COX19: variants seen among roughly 807,000 people sequenced by gnomAD.
COX19 encodes cytochrome c oxidase assembly protein COX19.
Under a neutral mutation model 6.8 loss-of-function variants are expected in COX19, and 8 were observed. The ratio of observed to expected loss-of-function variants is 1.18; its 90% CI spans 0.69 to 2.12. COX19 has a LOEUF of 2.12. Among genes scored for constraint, COX19 ranks in the 30% most tolerant of loss-of-function variants. COX19 has a pLI of 0.00. For synonymous variants in COX19, 51 were observed against 38.0 expected, an observed-to-expected ratio of 1.34 and a Z score of -1.26; for missense variants, 131 against 104.6, an observed-to-expected ratio of 1.25 and a Z score of -1.10.
In COX19 at chr7:965,493, G is replaced by T. The variant is rs879844859; in HGVS notation, c.*3885C>A. On this transcript the variant is annotated 3_prime_UTR_variant, in exon 3 of 3. Transcript: ENST00000344111. The stretch of plus-strand genomic sequence containing the variant: ...GCCCCCAGGTCGGTGCGGCCTGTGC[G>T]GCTCGCTCCCGGCGGTGGCTGCTGG... 5.9e-5 allele frequency among the ~76,000 whole-genome samples: 9 copies of T among 152,218 alleles called. No homozygotes were observed. The highest frequency in any genetic ancestry group is 2.2e-4 in the African/African-American group (9 of 41,454).
At chr7:969,775 A>C (rs1221884779) in intron 2 of COX19, among the ~76,000 whole-genome samples, 9 of 152,168 alleles carry the variant, frequency 5.9e-5, no homozygotes, top group Admixed American at 2.0e-4. Context: ...ATGTATCTGG[A>C]CAACAGCTTC....
At chr7:970,439 A>ATTT (rs1171573366) in intron 2 of COX19, among the ~76,000 whole-genome samples, 4 of 121,220 alleles carry the variant, frequency 3.3e-5, no homozygotes, top group Admixed American at 8.5e-5. Flanking sequence ...CGGCCAGCTA[A>ATTT]TTTTTTTTTT....
intron 1 of COX19, 52 bp from the exon 2 acceptor site, chr7:973,344 ACC>A (rs780752211): frequency 6.6e-7 from 1 of 1,518,120 alleles, no homozygotes; most frequent in Non-Finnish European, 8.8e-7. Context: ...AAGTGATGCA[ACC>A]ACACAACAGC....
At position 973,168 on chromosome 7, in the gene COX19, T is replaced by C. The variant is rs1847658199; in HGVS notation, c.194+13A>G. ...AGTGGGAGGTGGAAATCATAACGCT[T>C]AGCTGTACTCACCTCTCCATCCTGC... On this transcript the variant is annotated intron_variant, in intron 2 of 2. Transcript: ENST00000344111. 6.5e-7 allele frequency: 1 copy of C among 1,544,668 alleles called. No individual in the cohort carries two copies. The highest frequency in any genetic ancestry group is 8.7e-7 in the Non-Finnish European group (1 of 1,144,812).
In COX19 at chr7:969,307, C is replaced by G; in HGVS notation, c.*71G>C. 2 of 990,170 alleles carry G rather than the reference C, an allele frequency of 2.0e-6. No individual in the cohort carries two copies. Among genetic ancestry groups the G allele is most frequent in the Non-Finnish European group, 3.3e-6 (2 of 615,100 alleles). 61.3% of individuals were successfully genotyped at this position (990,170 alleles called of 1,614,324 possible). A position where few individuals can be genotyped will look rare whatever the true frequency, so the allele number is the denominator to read the frequency against. Reference sequence around the variant, plus strand: ...ACACCACACGCAGGCCTCAGCCAACCTAAGAGGCAGGATGATGCCCTCCGT... The same window carrying G: ...ACACCACACGCAGGCCTCAGCCAACGTAAGAGGCAGGATGATGCCCTCCGT... On this transcript the variant is annotated 3_prime_UTR_variant, in exon 3 of 3. Transcript: ENST00000344111.
At chr7:974,621 G>A (rs1467562136) in intron 1 of COX19, among the ~76,000 whole-genome samples, 3 of 152,062 alleles carry the variant, frequency 2.0e-5, no homozygotes, top group African/African-American at 7.2e-5. Context: ...AAAATGTTGG[G>A]AAAGAAACAG....
chr7:970,154 A>G (rs1847615824), intron 2 of COX19, among the ~76,000 whole-genome samples: 1 of 151,804 alleles, frequency 6.6e-6, no homozygotes, highest in Non-Finnish European at 1.5e-5. Flanking sequence ...TTTTTCTCCC[A>G]GAAACAGTCT....
chr7:972,714 T>G (rs920557257), intron 2 of COX19: 1 of 152,352 alleles, frequency 6.6e-6, no homozygotes, highest in African/African-American at 2.4e-5. Context: ...GGAAGAATCA[T>G]TCATCTTTCA....
intron 2 of COX19, 69 bp downstream of exon 2, chr7:973,112 C>G: frequency 9.3e-7 from 1 of 1,079,522 alleles, no homozygotes; most frequent in Admixed American, 3.0e-5. Context: ...CTGTAATGGC[C>G]TTTCAGGAAA....
In COX19 at chr7:969,199, C is replaced by G; in HGVS notation, c.*179G>C. 3 of 628,216 alleles carry G rather than the reference C, an allele frequency of 4.8e-6. No individual in the cohort carries two copies. Among genetic ancestry groups the G allele is most frequent in the Non-Finnish European group, 8.5e-6 (3 of 352,358 alleles). 38.9% of individuals were successfully genotyped at this position (628,216 alleles called of 1,614,324 possible). A position where few individuals can be genotyped will look rare whatever the true frequency, so the allele number is the denominator to read the frequency against. ...CAGGGGTTCAATGCAGAAACACCCT[C>G]CTAAGGGAAAACGGGACGCCACTCC... On this transcript the variant is annotated 3_prime_UTR_variant, in exon 3 of 3. Transcript: ENST00000344111.
In COX19 at chr7:975,542, G is replaced by T; in HGVS notation, c.-33C>A. ...ACTCCGGAGTCTGCGAGCGCCTTGC[G>T]AGCGTACGCAGGGCGGCCGGCGGAG... On this transcript the variant is annotated 5_prime_UTR_variant, in exon 1 of 3. Transcript: ENST00000344111. 6.4e-7 allele frequency: 1 copy of T among 1,574,468 alleles called. No homozygotes were observed.
In COX19 at chr7:975,539, T is replaced by C. The variant is rs755198910; in HGVS notation, c.-30A>G. On this transcript the variant is annotated 5_prime_UTR_variant, in exon 1 of 3. Coordinates refer to ENST00000344111, the MANE Select transcript of COX19 (RefSeq NM_001031617.3). ...GCGACTCCGGAGTCTGCGAGCGCCT[T>C]GCGAGCGTACGCAGGGCGGCCGGCG... 8 of 1,582,604 alleles carry C rather than the reference T, an allele frequency of 5.1e-6. No individual in the cohort carries two copies. The Admixed American group carries it at 1.4e-4, about 27-fold the overall frequency.
At position 965,246 on chromosome 7, in the gene COX19, TC is replaced by T. The variant is rs897383500; in HGVS notation, c.*4131del. Among the ~76,000 whole-genome samples, 2 of 151,658 alleles carry T rather than the reference TC, an allele frequency of 1.3e-5. No homozygotes were observed. The highest frequency in any genetic ancestry group is 1.9e-4 in the East Asian group (1 of 5,204). ...GTTTCATACAAAGCATATTTTTTTT[TC>T]CTCATTTCAAAATAATTTCAGACTT... On this transcript the variant is annotated 3_prime_UTR_variant, in exon 3 of 3. Coordinates refer to ENST00000344111, the MANE Select transcript of COX19 (RefSeq NM_001031617.3).
intron 2 of COX19, 66 bp downstream of exon 2, chr7:973,115 T>C (rs1847657320): frequency 1.8e-6 from 2 of 1,134,958 alleles, no homozygotes; most frequent in East Asian, 2.7e-5. Flanking sequence ...TAATGGCCTT[T>C]CAGGAAAAAA....
In COX19 at chr7:973,243, ATTG is replaced by A. The variant is rs2128117465; in HGVS notation, c.129_131del (p.Asn45del). ...TTCTGCACAAAGCATTTTCAAAATTATTGTTATGAAGACACTTCATGAATTTCT... is the reference window on the plus strand; with the variant it reads ...TTCTGCACAAAGCATTTTCAAAATTATTATGAAGACACTTCATGAATTTCT... On this transcript the variant is annotated inframe_deletion, in exon 2 of 3. Coordinates refer to ENST00000344111, the MANE Select transcript of COX19 (RefSeq NM_001031617.3). 6.2e-7 allele frequency: 1 copy of A among 1,603,686 alleles called. No individual in the cohort carries two copies. The highest frequency in any genetic ancestry group is 2.3e-5 in the East Asian group (1 of 44,442).
At position 969,431 on chromosome 7, in the gene COX19, C is replaced by T; in HGVS notation, c.220G>A (p.Glu74Lys). Reference protein sequence around the residue: ...ERKLMLQEPLEKLGFGDLTSG... With the variant: ...ERKLMLQEPLKKLGFGDLTSG... Reference sequence around the variant, plus strand: ...GTCAAGTCTCCAAATCCCAGTTTCTCCAATGGTTCTTGTAGCATCAATTTT... The same window carrying T: ...GTCAAGTCTCCAAATCCCAGTTTCTTCAATGGTTCTTGTAGCATCAATTTT... The change falls in exon 3 of 3, where the codon GAG becomes AAG. Residue 74 changes from glutamate to lysine, a missense_variant. By Grantham distance (56) the Glu-to-Lys change is moderately conservative. Coordinates refer to ENST00000344111, the MANE Select transcript of COX19 (RefSeq NM_001031617.3). The T allele has an allele frequency of 2.5e-6, 4 of 1,611,096 alleles. No individual in the cohort carries two copies. Among genetic ancestry groups the T allele is most frequent in the Non-Finnish European group, 3.4e-6 (4 of 1,177,372 alleles).
rs374651385 is a variant in COX19, at chr7:975,510, G to C, written c.-1C>G. 2 of 1,602,474 alleles carry C rather than the reference G, an allele frequency of 1.2e-6. No individual in the cohort carries two copies. Among genetic ancestry groups the C allele is most frequent in the Non-Finnish European group, 1.7e-6 (2 of 1,175,896 alleles). ...TCCCGAAATTCATGGCGGTCGACATGTTGGCGACTCCGGAGTCTGCGAGCG... is the reference window on the plus strand; with the variant it reads ...TCCCGAAATTCATGGCGGTCGACATCTTGGCGACTCCGGAGTCTGCGAGCG... On this transcript the variant is annotated 5_prime_UTR_variant, in exon 1 of 3. Transcript: ENST00000344111.
Position 973,264 on chromosome 7 carries a change from G to A in COX19, c.111C>T (p.Phe37=). ...AATTATTGTTATGAAGACACTTCAT[G>A]AATTTCTCTTTAAAGCTTTTACATT... ...LGECKSFKEK[F]MKCLHNNNFE... The change falls in exon 2 of 3, where the codon TTC becomes TTT. Residue 37 remains phenylalanine, a synonymous_variant. Coordinates refer to ENST00000344111, the MANE Select transcript of COX19 (RefSeq NM_001031617.3). The A allele has an allele frequency of 1.9e-6, 3 of 1,595,804 alleles. No individual in the cohort carries two copies. The South Asian group carries it at 3.5e-5, about 18-fold the overall frequency.
intron 2 of COX19, among the ~76,000 whole-genome samples, chr7:971,727 C>T (rs1225239724): frequency 6.6e-6 from 1 of 151,980 alleles, no homozygotes; most frequent in Admixed American, 6.6e-5. Context: ...AAAAATTAGC[C>T]GGGCAAGGTG....
Sources: gnomAD v4.1 joint callset for allele counts (sites outside exome capture counted in the v4.1 genomes callset) on GRCh38, gnomAD v4.1.1 for gene constraint, MANE v1.5 for transcripts, NCBI Gene and HGNC (gene_info 2026-07-23, HGNC 2026-07-21) for gene names.